Variants in CEP41 observed in about 807,000 individuals in gnomAD.
CEP41 encodes centrosomal protein of 41 kDa.
CEP41 carries 32 observed loss-of-function variants against 44.3 expected under a neutral mutation model. The ratio of observed to expected loss-of-function variants is 0.72; its 90% CI spans 0.54 to 0.97. The LOEUF is 0.97. Ranked by LOEUF, CEP41 falls within the 50% of genes least tolerant of loss-of-function variation. CEP41 has a pLI of 0.00. For missense variants in CEP41, 432 were observed against 455.2 expected (o/e 0.95, Z 0.46); for synonymous variants, 151 against 168.5 (o/e 0.90, Z 0.80).
chr7:130,440,804 GAC>G, intron 1 of CEP41, 128 bp downstream of exon 1: 1 of 203,136 alleles, frequency 4.9e-6, no homozygotes, highest in Non-Finnish European at 9.3e-6. Flanking sequence ...CCTGCATCCC[GAC>G]CCCTCCTCAC....
In CEP41 at chr7:130,395,473, G is replaced by GATT; in HGVS notation, c.*3415_*3417dup. ...AACTGGAGAAAGAAAGGTTCTTACT[G>GATT]ATTATCTTCAGAGTAGAGCAAGAAG... On this transcript the variant is annotated 3_prime_UTR_variant, in exon 11 of 11. Transcript: ENST00000223208. The GATT allele has an allele frequency of 2.2e-6, 1 of 454,108 alleles. No homozygotes were observed. The highest frequency in any genetic ancestry group is 4.4e-6 in the Non-Finnish European group (1 of 226,784). 28.1% of individuals were successfully genotyped at this position (454,108 alleles called of 1,614,324 possible). A position where few individuals can be genotyped will look rare whatever the true frequency, so the allele number is the denominator to read the frequency against.
At position 130,395,873 on chromosome 7, in the gene CEP41, T is replaced by G. The variant is rs1220142813; in HGVS notation, c.*3018A>C. 7 of 431,872 alleles carry G rather than the reference T, an allele frequency of 1.6e-5. No individual in the cohort carries two copies. The highest frequency in any genetic ancestry group is 2.7e-5 in the Non-Finnish European group (6 of 220,470). 26.8% of individuals were successfully genotyped at this position (431,872 alleles called of 1,614,324 possible). On this transcript the variant is annotated 3_prime_UTR_variant, in exon 11 of 11. Coordinates refer to ENST00000223208, the MANE Select transcript of CEP41 (RefSeq NM_018718.3). ...GATCGTGCTGGTCCTGGCTAACCAC[T>G]AAAGGTTAAAAAAAAAAAAAAAGAT...
chr7:130,441,297 G>C (rs1429317554), upstream of CEP41: 1 of 470,488 alleles, frequency 2.1e-6, no homozygotes, highest in Admixed American at 3.3e-5. Context: ...AGCCGGGGGC[G>C]GGGGCAGTGG....
In CEP41 at chr7:130,403,671, G is replaced by A. The variant is rs149863545; in HGVS notation, c.423-872C>T. The stretch of plus-strand genomic sequence containing the variant: ...GTAGCATAGCTCCTTTCCCATAACA[G>A]CAAATCAAATTCTGCATTTAAATCC... On this transcript the variant is annotated intron_variant, in intron 6 of 10. Transcript: ENST00000223208. Among the ~76,000 whole-genome samples, 112 of 152,236 alleles carry A rather than the reference G, an allele frequency of 7.4e-4. 1 individual carries two copies. In the East Asian group the frequency reaches 0.021, roughly 29 times the overall value.
intron 1 of CEP41, among the ~76,000 whole-genome samples, chr7:130,432,080 T>C (rs1485076663): frequency 1.3e-5 from 2 of 151,842 alleles, no homozygotes; most frequent in Non-Finnish European, 1.5e-5. Context: ...AGTGCCTAGG[T>C]TGGTGAAGAT....
At chr7:130,421,708 T>C in intron 2 of CEP41, 1 of 1,159,080 alleles carries the variant, frequency 8.6e-7, no homozygotes, top group Non-Finnish European at 1.1e-6. Flanking sequence ...GGAGAAAGCC[T>C]ACAGAATTTC....
chr7:130,397,796 A>T lies in CEP41; in HGVS notation c.*1095T>A, dbSNP rs1796713688. The stretch of plus-strand genomic sequence containing the variant: ...ATGAATGTCAGTCATTTAGCAATTC[A>T]ATTAATGCTGATTCAAAATTCCGGC... On this transcript the variant is annotated 3_prime_UTR_variant, in exon 11 of 11. Coordinates refer to ENST00000223208, the MANE Select transcript of CEP41 (RefSeq NM_018718.3). The T allele has an allele frequency of 2.2e-6, 1 of 444,750 alleles. No individual in the cohort carries two copies. The highest frequency in any genetic ancestry group is 4.6e-6 in the Non-Finnish European group (1 of 219,530). 27.6% of individuals were successfully genotyped at this position (444,750 alleles called of 1,614,324 possible). A position where few individuals can be genotyped will look rare whatever the true frequency, so the allele number is the denominator to read the frequency against.
chr7:130,421,961 G>A, intron 2 of CEP41: 2 of 1,535,956 alleles, frequency 1.3e-6, no homozygotes, highest in East Asian at 4.9e-5. Context: ...ATCCATTCAT[G>A]GCACAGTCTG....
chr7:130,408,466 A>G, intron 5 of CEP41, among the ~76,000 whole-genome samples: 1 of 152,252 alleles, frequency 6.6e-6, no homozygotes, highest in Non-Finnish European at 1.5e-5. Context: ...AGAAATATGT[A>G]TTTATGACCA....
chr7:130,428,918 T>A (rs60388827), intron 1 of CEP41, among the ~76,000 whole-genome samples: 24,105 of 144,070 alleles, frequency 0.17, 1,925 homozygotes, highest in South Asian at 0.19. Flanking sequence ...CTCAAAAAAA[T>A]AAATAAATAA....
rs1303352526 is a variant in CEP41, at chr7:130,397,815, T to G, written c.*1076A>C. ...CAATTCAATTAATGCTGATTCAAAA[T>G]TCCGGCCAAAACCAGAATCTATAAT... On this transcript the variant is annotated 3_prime_UTR_variant, in exon 11 of 11. Transcript: ENST00000223208. 2 of 444,356 alleles carry G rather than the reference T, an allele frequency of 4.5e-6. No individual in the cohort carries two copies. Among genetic ancestry groups the G allele is most frequent in the East Asian group, 1.4e-4 (2 of 14,132 alleles). 27.5% of individuals were successfully genotyped at this position (444,356 alleles called of 1,614,324 possible).
In CEP41 at chr7:130,397,836, ATAATCACAACTTCC is replaced by A. The variant is rs1329437909; in HGVS notation, c.*1041_*1054del. On this transcript the variant is annotated 3_prime_UTR_variant, in exon 11 of 11. Coordinates refer to ENST00000223208, the MANE Select transcript of CEP41 (RefSeq NM_018718.3). ...AAAATTCCGGCCAAAACCAGAATCT[ATAATCACAACTTCC>A]TAATCACAGTTCAGTCATGAGAATG... The A allele has an allele frequency of 1.1e-5, 5 of 447,524 alleles. No homozygotes were observed. Among genetic ancestry groups the A allele is most frequent in the African/African-American group, 8.0e-5 (4 of 49,810 alleles). 27.7% of individuals were successfully genotyped at this position (447,524 alleles called of 1,614,324 possible).
rs1796600167 is a variant in CEP41 at position 130,394,297 on chromosome 7, G to GAACCTCAGTCTCCTCATCTGAA, written c.*4572_*4593dup. On this transcript the variant is annotated 3_prime_UTR_variant, in exon 11 of 11. Coordinates refer to ENST00000223208, the MANE Select transcript of CEP41 (RefSeq NM_018718.3). ...AACCTGAGTCACTTAATTTCTACCC[G>GAACCTCAGTCTCCTCATCTGAA]AACCTCAGTCTCCTCATCTGAAAAT... The GAACCTCAGTCTCCTCATCTGAA allele has an allele frequency of 2.2e-6, 1 of 453,878 alleles. No individual in the cohort carries two copies. The highest frequency in any genetic ancestry group is 2.0e-5 in the African/African-American group (1 of 49,940). 28.1% of individuals were successfully genotyped at this position (453,878 alleles called of 1,614,324 possible). A position where few individuals can be genotyped will look rare whatever the true frequency, so the allele number is the denominator to read the frequency against.
chr7:130,407,932 A>G (rs1797063155), intron 5 of CEP41, among the ~76,000 whole-genome samples: 1 of 152,238 alleles, frequency 6.6e-6, no homozygotes, highest in South Asian at 2.1e-4. Context: ...GAAGGTTAAT[A>G]TACTTAATTT....
chr7:130,413,239 C>T (rs557606224), intron 3 of CEP41, among the ~76,000 whole-genome samples: 1 of 152,156 alleles, frequency 6.6e-6, no homozygotes, highest in Non-Finnish European at 1.5e-5. Flanking sequence ...GATCCACCCA[C>T]CTCAACCTCC....
intron 2 of CEP41, chr7:130,421,632 G>T: frequency 9.7e-7 from 1 of 1,026,198 alleles, no homozygotes; most frequent in Non-Finnish European, 1.2e-6. Context: ...TGAATAGTTT[G>T]TCTAGAGATA....
At position 130,394,997 on chromosome 7, in the gene CEP41, G is replaced by C. The variant is rs1796618045; in HGVS notation, c.*3894C>G. ...CAGAACAAAGAGGATCAGCAACAGA[G>C]AGGGGAGCCATCAGGGGATCACAAT... is the stretch of plus-strand genomic sequence containing the variant. On this transcript the variant is annotated 3_prime_UTR_variant, in exon 11 of 11. Transcript: ENST00000223208. 1 of 453,974 alleles carries C rather than the reference G, an allele frequency of 2.2e-6. No individual in the cohort carries two copies. The highest frequency in any genetic ancestry group is 4.4e-6 in the Non-Finnish European group (1 of 226,796). 28.1% of individuals were successfully genotyped at this position (453,974 alleles called of 1,614,324 possible). A position where few individuals can be genotyped will look rare whatever the true frequency, so the allele number is the denominator to read the frequency against.
chr7:130,413,147 A>G (rs1422847811), intron 3 of CEP41, among the ~76,000 whole-genome samples: 1 of 151,890 alleles, frequency 6.6e-6, no homozygotes, highest in Non-Finnish European at 1.5e-5. Context: ...GCCCACCACC[A>G]GGCCTGGCTA....
At chr7:130,410,761 C>A (rs185734961) in intron 5 of CEP41, 32 of 338,452 alleles carry the variant, frequency 9.5e-5, no homozygotes, top group Admixed American at 4.5e-4. Flanking sequence ...TGCACATGCA[C>A]ACATGTGACT....
Sources: allele counts gnomAD v4.1 joint callset (sites outside exome capture counted in the v4.1 genomes callset), GRCh38; gene constraint gnomAD v4.1.1; transcripts MANE v1.5; gene names NCBI Gene and HGNC (gene_info 2026-07-23, HGNC 2026-07-21).